Variants in ALPK1 observed in about 807,000 individuals in gnomAD.
ALPK1 encodes the protein alpha-protein kinase 1.
ALPK1 carries 110 observed loss-of-function variants against 120.6 expected under a neutral mutation model. The observed-to-expected ratio is 0.91, with a 90% CI of 0.78 to 1.07. The LOEUF is 1.07. Among genes scored for constraint, ALPK1 ranks in the 50% least tolerant of loss-of-function variants. ALPK1 has a pLI of 0.00. For synonymous variants in ALPK1, 582 were observed against 560.3 expected (o/e 1.04, Z -0.55); for missense variants, 1,498 against 1,483.9 (o/e 1.01, Z -0.16).
At chr4:112,359,823 C>T in intron 2 of ALPK1, 1 of 384,320 alleles carries the variant, frequency 2.6e-6, no homozygotes. Flanking sequence ...CCAGTGGGTG[C>T]CCATGGAGGC....
chr4:112,297,968 C>T (rs1017811983), intron 1 of ALPK1, among the ~76,000 whole-genome samples: 3 of 152,134 alleles, frequency 2.0e-5, no homozygotes, highest in Admixed American at 1.3e-4. Flanking sequence ...GAGACTTACT[C>T]GTCTCATATG....
At chr4:112,436,168 G>A (rs1490491534) in intron 12 of ALPK1, among the ~76,000 whole-genome samples, 2 of 152,216 alleles carry the variant, frequency 1.3e-5, no homozygotes, top group East Asian at 1.9e-4. Flanking sequence ...TCTGTAAGCA[G>A]TGGAAGTACA....
intron 2 of ALPK1, among the ~76,000 whole-genome samples, chr4:112,355,527 T>C (rs1050432048): frequency 2.6e-5 from 4 of 152,144 alleles, no homozygotes; most frequent in Non-Finnish European, 4.4e-5. Context: ...AGGATGCCTC[T>C]GGGGAGGAGG....
At chr4:112,375,863 C>G (rs1040454164) in intron 2 of ALPK1, among the ~76,000 whole-genome samples, 4 of 151,906 alleles carry the variant, frequency 2.6e-5, no homozygotes, top group Non-Finnish European at 4.4e-5. Context: ...TAGCTGTTGA[C>G]TTAAAGTGTG....
intron 4 of ALPK1, chr4:112,384,056 A>G (rs1732043986): frequency 1.3e-5 from 2 of 152,246 alleles, no homozygotes; most frequent in Non-Finnish European, 1.5e-5. Flanking sequence ...TAAAGTAAAA[A>G]AATCATAAGT....
intron 2 of ALPK1, chr4:112,359,453 A>C: frequency 3.5e-6 from 1 of 282,062 alleles, no homozygotes; most frequent in East Asian, 8.1e-5. Flanking sequence ...TCGTGCATCC[A>C]TACCACAAGC....
At chr4:112,378,095 A>C (rs1175279272) in intron 3 of ALPK1, among the ~76,000 whole-genome samples, 197 bp downstream of exon 3, 1 of 151,950 alleles carries the variant, frequency 6.6e-6, no homozygotes, top group Non-Finnish European at 1.5e-5. Flanking sequence ...ACTTTGTTGC[A>C]CTGAATTGCT....
intron 3 of ALPK1, among the ~76,000 whole-genome samples, chr4:112,379,462 G>A (rs561660973): frequency 6.6e-6 from 1 of 152,360 alleles, no homozygotes; most frequent in East Asian, 1.9e-4. Flanking sequence ...ATTGGCAGCC[G>A]TAGCATCAGC....
intron 2 of ALPK1, among the ~76,000 whole-genome samples, chr4:112,374,708 G>A (rs1560659283): frequency 6.9e-6 from 1 of 145,364 alleles, no homozygotes; most frequent in East Asian, 1.9e-4. Flanking sequence ...TAGAATGAAT[G>A]TTATATCAGC....
chr4:112,382,582 G>T, intron 4 of ALPK1, 30 bp downstream of exon 4: 1 of 1,614,020 alleles, frequency 6.2e-7, no homozygotes, highest in Non-Finnish European at 8.5e-7. Flanking sequence ...CTGTTCCTCT[G>T]ATATCCCCAA....
chr4:112,399,729 G>A (rs1038704738), intron 4 of ALPK1, among the ~76,000 whole-genome samples: 26 of 151,988 alleles, frequency 1.7e-4, no homozygotes, highest in South Asian at 1.0e-3. Flanking sequence ...GGTATTTGTC[G>A]TATTGCTCTC....
chr4:112,364,449 C>G (rs550758841), intron 2 of ALPK1, among the ~76,000 whole-genome samples: 18 of 151,874 alleles, frequency 1.2e-4, no homozygotes, highest in African/African-American at 3.9e-4. Context: ...CATGCATAAA[C>G]TAGAAAACCT....
Position 112,431,189 on chromosome 4 carries a change from TC to T in ALPK1, c.1644del (p.Leu549TrpfsTer26). 1.2e-6 allele frequency: 2 copies of T among 1,614,194 alleles called. No homozygotes were observed. Among genetic ancestry groups the T allele is most frequent in the African/African-American group, 1.3e-5 (1 of 75,058 alleles). On this transcript the variant is annotated frameshift_variant, in exon 11 of 16. Coordinates refer to ENST00000650871, the MANE Select transcript of ALPK1 (RefSeq NM_025144.4). LOFTEE classifies it high-confidence loss of function. Reference sequence around the variant, plus strand: ...GACCCATTCTGATGCATTTCGAGTCTCCTTGGATCAAGATGTGGAGACTGAG... The same window carrying T: ...GACCCATTCTGATGCATTTCGAGTCTCTTGGATCAAGATGTGGAGACTGAG... ...NWTHSDAFRV[S>X]LDQDVETETE...
intron 2 of ALPK1, among the ~76,000 whole-genome samples, chr4:112,371,857 AAAC>A (rs1379483059): frequency 6.6e-6 from 1 of 152,240 alleles, no homozygotes; most frequent in African/African-American, 2.4e-5. Context: ...ATTTCTTAAT[AAAC>A]AAATATCAAA....
At chr4:112,423,526 T>C (rs998114338) in intron 5 of ALPK1, among the ~76,000 whole-genome samples, 7 of 152,140 alleles carry the variant, frequency 4.6e-5, no homozygotes, top group African/African-American at 1.7e-4. Flanking sequence ...TGAGAAAGAA[T>C]CTCCTCACTC....
At position 112,430,732 on chromosome 4, in the gene ALPK1, C is replaced by T; in HGVS notation, c.1185C>T (p.Ser395=). 1 of 1,614,208 alleles carries T rather than the reference C, an allele frequency of 6.2e-7. No homozygotes were observed. The highest frequency in any genetic ancestry group is 8.5e-7 in the Non-Finnish European group (1 of 1,180,036). The stretch of plus-strand genomic sequence containing the variant: ...GGAAGCTGTACAATTTCAGCACTTC[C>T]TCCAGAAGTCAGGACAGAGAAGCTC... The part of the protein sequence containing the change: ...AMGKLYNFST[S]SRSQDREALS... The change falls in exon 11 of 16, where the codon TCC becomes TCT. Residue 395 remains serine, a synonymous_variant. Transcript: ENST00000650871.
rs1464828716 is a variant in ALPK1, at chr4:112,435,759, A to AT, written c.3188+459dup. 4.6e-5 allele frequency among the ~76,000 whole-genome samples: 7 copies of AT among 152,268 alleles called. No individual in the cohort carries two copies. In the South Asian group the frequency reaches 1.2e-3, roughly 27 times the overall value. ...TAAGTGATTGCTGAACCCTTTAGGG[A>AT]TCCCGCATAGGCGTTTGAGGCAGGG... is the stretch of plus-strand genomic sequence containing the variant. On this transcript the variant is annotated intron_variant, in intron 12 of 15. Transcript: ENST00000650871.
Position 112,411,990 on chromosome 4 carries a change from TGGTTATTCGCCAAGCCCGA to T in ALPK1, c.441_459del (p.Val148SerfsTer3). On this transcript the variant is annotated frameshift_variant, in exon 5 of 16. Transcript: ENST00000650871. LOFTEE classifies it high-confidence loss of function. ...CCAGCCACGCCAATTGCCCCGCAGG[TGGTTATTCGCCAAGCCCGA>T]ATCTCCGTGAACTCAGGTATGCTCC... 1 of 1,614,150 alleles carries T rather than the reference TGGTTATTCGCCAAGCCCGA, an allele frequency of 6.2e-7. No individual in the cohort carries two copies. The highest frequency in any genetic ancestry group is 8.5e-7 in the Non-Finnish European group (1 of 1,180,020).
chr4:112,381,167 A>T (rs1731888575), intron 3 of ALPK1, among the ~76,000 whole-genome samples: 1 of 152,210 alleles, frequency 6.6e-6, no homozygotes, highest in South Asian at 2.1e-4. Context: ...TTCAGACAAT[A>T]ATTCAGGCAA....
Sources: allele counts gnomAD v4.1 joint callset (sites outside exome capture counted in the v4.1 genomes callset), GRCh38; gene constraint gnomAD v4.1.1; transcripts MANE v1.5; gene names NCBI Gene and HGNC (gene_info 2026-07-23, HGNC 2026-07-21).